SLC2A9: variants seen among roughly 807,000 people sequenced by gnomAD.
SLC2A9 encodes the protein solute carrier family 2, facilitated glucose transporter member 9.
SLC2A9 carries 39 observed loss-of-function variants against 50.6 expected under a neutral mutation model. The ratio of observed to expected loss-of-function variants is 0.77; its 90% CI spans 0.60 to 1.01. The LOEUF is 1.01. SLC2A9 is among the 50% of genes least tolerant of loss of function. The pLI is 0.00. For synonymous variants in SLC2A9, 324 were observed against 276.9 expected (o/e 1.17, Z -1.69); for missense variants, 686 against 677.6 (o/e 1.01, Z -0.14).
intron 10 of SLC2A9, among the ~76,000 whole-genome samples, chr4:9,862,445 T>A (rs1285936696): frequency 6.6e-6 from 1 of 152,098 alleles, no homozygotes. Flanking sequence ...CTCCCATGTA[T>A]GTGTGAAATA....
chr4:9,786,762 C>T (rs560594931), intron 3 of SLC2A9, among the ~76,000 whole-genome samples: 3 of 152,172 alleles, frequency 2.0e-5, no homozygotes, highest in Non-Finnish European at 4.4e-5. Context: ...CACCCTAGGT[C>T]AGTGGTTCTT....
intron 10 of SLC2A9, 33 bp from the exon 11 acceptor site, chr4:9,835,041 C>T: frequency 1.9e-6 from 3 of 1,612,312 alleles, no homozygotes; most frequent in Non-Finnish European, 2.5e-6. Context: ...TGGAATTAAT[C>T]ACTCTGAGAA....
rs17242364 is a variant in SLC2A9, at chr4:9,849,576, A to G, written c.1292-14568T>C. 6.4e-3 allele frequency among the ~76,000 whole-genome samples: 974 copies of G among 152,308 alleles called. 5 individuals are homozygous for G. The highest frequency in any genetic ancestry group is 0.01 in the Non-Finnish European group (709 of 68,018). On this transcript the variant is annotated intron_variant, in intron 10 of 11. Transcript: ENST00000264784. ...TTTAGTTGAATCAATAGGCTTGAACATTACCATCCTGGACTGTCTGGGGGA... is the reference window on the plus strand; with the variant it reads ...TTTAGTTGAATCAATAGGCTTGAACGTTACCATCCTGGACTGTCTGGGGGA...
intron 10 of SLC2A9, among the ~76,000 whole-genome samples, chr4:9,843,713 T>C (rs760989051): frequency 2.6e-5 from 4 of 152,230 alleles, no homozygotes; most frequent in Non-Finnish European, 4.4e-5. Context: ...ATGCAGAGAA[T>C]ACACATTGAA....
intron 11 of SLC2A9, among the ~76,000 whole-genome samples, chr4:9,830,490 C>A (rs1351418297): frequency 1.3e-5 from 2 of 152,186 alleles, no homozygotes; most frequent in African/African-American, 4.8e-5. Context: ...AACAAACCTG[C>A]ACATCCTGCA....
At chr4:9,775,884 C>G (rs963244590), downstream of SLC2A9, among the ~76,000 whole-genome samples, 5 of 152,154 alleles carry the variant, frequency 3.3e-5, no homozygotes, top group African/African-American at 1.2e-4. Flanking sequence ...GCACATGGGC[C>G]TTCTCCATCT....
At chr4:9,846,675 C>A (rs1201755552) in intron 10 of SLC2A9, among the ~76,000 whole-genome samples, 4 of 152,178 alleles carry the variant, frequency 2.6e-5, no homozygotes, top group Non-Finnish European at 5.9e-5. Flanking sequence ...CAAATTATTA[C>A]CATGTGGAGG....
chr4:9,799,756 G>A (rs1272764873), intron 3 of SLC2A9, among the ~76,000 whole-genome samples: 1 of 125,926 alleles, frequency 7.9e-6, no homozygotes, highest in East Asian at 2.5e-4. Flanking sequence ...ATGACCTACA[G>A]GTAGATTTGA....
At position 9,867,718 on chromosome 4, in the gene SLC2A9, G is replaced by A. The variant is rs536800187; in HGVS notation, c.1291+19849C>T. Reference sequence around the variant, plus strand: ...CCCCCTGAGAGCTGGGGACACCGTGGATGGAGGTCTGACTGCCTGACTGCC... The same window carrying A: ...CCCCCTGAGAGCTGGGGACACCGTGAATGGAGGTCTGACTGCCTGACTGCC... On this transcript the variant is annotated intron_variant, in intron 10 of 11. Transcript: ENST00000264784. Among the ~76,000 whole-genome samples, 34 of 152,344 alleles carry A rather than the reference G, an allele frequency of 2.2e-4. 1 individual carries two copies. In the South Asian group the frequency reaches 7.0e-3, roughly 32 times the overall value.
chr4:10,018,069 C>G (rs991971052), intron 2 of SLC2A9, among the ~76,000 whole-genome samples: 1 of 152,204 alleles, frequency 6.6e-6, no homozygotes, highest in African/African-American at 2.4e-5. Context: ...CCAGCACCCA[C>G]AGGATAGCAT....
chr4:9,850,129 T>G (rs1729634829), intron 10 of SLC2A9, among the ~76,000 whole-genome samples: 1 of 152,062 alleles, frequency 6.6e-6, no homozygotes, highest in Admixed American at 6.5e-5. Context: ...ACGGGGCTGC[T>G]GAGCAATGGG....
intron 7 of SLC2A9, among the ~76,000 whole-genome samples, chr4:9,913,303 TTG>T (rs59023239): frequency 0.17 from 24,710 of 141,872 alleles, 2,149 homozygotes; most frequent in East Asian, 0.22. Context: ...TCCTGTGTGT[TTG>T]TGTGTGTGTG....
chr4:9,934,060 C>A (rs1012714881), intron 6 of SLC2A9, among the ~76,000 whole-genome samples: 2 of 152,198 alleles, frequency 1.3e-5, no homozygotes, highest in African/African-American at 2.4e-5. Flanking sequence ...CCATCTGTGG[C>A]CCTAATTCCT....
chr4:9,825,974 G>A (rs1216611236), downstream of SLC2A9, among the ~76,000 whole-genome samples: 1 of 152,174 alleles, frequency 6.6e-6, no homozygotes, highest in East Asian at 1.9e-4. Context: ...GTAAAGCTGG[G>A]ACTAGAACCT....
chr4:9,773,880 G>A lies in SLC2A9; in HGVS notation n.182-2511C>T, dbSNP rs530527954. Reference sequence around the variant, plus strand: ...AAGCAGCTCATGGAGCCCTTCCAGGGAAAGACTGAAGGCTGTGGAGACCTA... The same window carrying A: ...AAGCAGCTCATGGAGCCCTTCCAGGAAAAGACTGAAGGCTGTGGAGACCTA... On this transcript the variant is annotated intron_variant and non_coding_transcript_variant, in intron 1 of 1. Transcript: ENST00000508585. Among the ~76,000 whole-genome samples, 146 of 152,206 alleles carry A rather than the reference G, an allele frequency of 9.6e-4. 1 individual carries two copies. The highest frequency in any genetic ancestry group is 3.4e-3 in the African/African-American group (142 of 41,530).
chr4:9,907,249 G>GACACAA (rs1379666044), intron 8 of SLC2A9, among the ~76,000 whole-genome samples: 2 of 152,246 alleles, frequency 1.3e-5, no homozygotes, highest in African/African-American at 2.4e-5. Flanking sequence ...AAAAAGAAGA[G>GACACAA]ACACAAGCAT....
intron 10 of SLC2A9, chr4:9,879,266 A>T (rs1734804775): frequency 1.0e-6 from 1 of 985,296 alleles, no homozygotes; most frequent in Admixed American, 6.1e-5. Flanking sequence ...TGACTTTTTG[A>T]AGATGAGAAG....
chr4:9,942,120 T>C, intron 5 of SLC2A9, 75 bp from the exon 6 acceptor site: 1 of 1,588,040 alleles, frequency 6.3e-7, no homozygotes, highest in African/African-American at 1.3e-5. Flanking sequence ...CTGGACCAGG[T>C]GGTTTCGACC....
chr4:9,793,227 C>T (rs529657405), intron 3 of SLC2A9, among the ~76,000 whole-genome samples: 131 of 152,290 alleles, frequency 8.6e-4, no homozygotes, highest in Non-Finnish European at 1.4e-3. Context: ...TGAAATCTGG[C>T]TAGAGACTTC....
Sources: allele counts gnomAD v4.1 joint callset (sites outside exome capture counted in the v4.1 genomes callset), GRCh38; gene constraint gnomAD v4.1.1; transcripts MANE v1.5; gene names NCBI Gene and HGNC (gene_info 2026-07-23, HGNC 2026-07-21).